Variants in ZNF627 observed in about 807,000 individuals in gnomAD.
ZNF627 encodes the protein zinc finger protein 627.
In ZNF627, 12 loss-of-function variants were observed where a neutral mutation model predicts 10.6. The ratio of observed to expected loss-of-function variants is 1.13; its 90% CI spans 0.73 to 1.84. The LOEUF (loss-of-function observed/expected upper bound fraction) is 1.84, where lower values mean the gene tolerates loss of function less well. Ranked by LOEUF, ZNF627 falls within the 40% of genes most tolerant of loss-of-function variation. The pLI is 0.00. For synonymous variants in ZNF627, 176 were observed against 187.1 expected, an observed-to-expected ratio of 0.94 and a Z score of 0.48; for missense variants, 504 against 568.4, an observed-to-expected ratio of 0.89 and a Z score of 1.15.
chr19:11,597,593 G>T lies in ZNF627; in HGVS notation c.-35G>T. On this transcript the variant is annotated 5_prime_UTR_variant, in exon 1 of 4. Transcript: ENST00000361113. ...GTGACCTGTACAGGTCGCGGGAGTCGTAGGGAGGACGCCGGGACACCTGGA... is the reference window on the plus strand; with the variant it reads ...GTGACCTGTACAGGTCGCGGGAGTCTTAGGGAGGACGCCGGGACACCTGGA... 2 of 1,326,510 alleles carry T rather than the reference G, an allele frequency of 1.5e-6. No individual in the cohort carries two copies. Among genetic ancestry groups the T allele is most frequent in the Non-Finnish European group, 1.9e-6 (2 of 1,030,196 alleles). 82.2% of individuals were successfully genotyped at this position (1,326,510 alleles called of 1,614,324 possible). A position where few individuals can be genotyped will look rare whatever the true frequency, so the allele number is the denominator to read the frequency against.
At position 11,614,577 on chromosome 19, in the gene ZNF627, G is replaced by A; in HGVS notation, c.54G>A (p.Trp18Ter). The change falls in exon 2 of 4, where the codon TGG becomes TGA. Residue 18 changes from tryptophan to a stop codon, truncating the protein, a stop_gained. Transcript: ENST00000361113. LOFTEE classifies it high-confidence loss of function. ...CTGTGAACTTCACCCTGGAGGAGTGGGCTTTGCTGGATCCTTCCCAGAAGA... is the reference window on the plus strand; with the variant it reads ...CTGTGAACTTCACCCTGGAGGAGTGAGCTTTGCTGGATCCTTCCCAGAAGA... ...DVAVNFTLEE[W>*]ALLDPSQKNL... The A allele has an allele frequency of 6.2e-7, 1 of 1,613,868 alleles. No homozygotes were observed. The highest frequency in any genetic ancestry group is 8.5e-7 in the Non-Finnish European group (1 of 1,179,962).
chr19:11,609,517 A>G (rs1200008969), intron 1 of ZNF627, among the ~76,000 whole-genome samples: 7 of 98,084 alleles, frequency 7.1e-5, no homozygotes, highest in African/African-American at 1.5e-4. Flanking sequence ...ATATATATAT[A>G]TGTATTTTTT....
chr19:11,603,143 C>T (rs1177373990), intron 1 of ZNF627, among the ~76,000 whole-genome samples: 1 of 152,088 alleles, frequency 6.6e-6, no homozygotes, highest in African/African-American at 2.4e-5. Flanking sequence ...GTTTGTTTCA[C>T]GCATGCTGGT....
Position 11,617,966 on chromosome 19 carries a change from C to A in ZNF627, c.*77C>A. The A allele has an allele frequency of 1.6e-6, 2 of 1,280,772 alleles. No homozygotes were observed. The highest frequency in any genetic ancestry group is 2.1e-6 in the Non-Finnish European group (2 of 945,190). 79.3% of individuals were successfully genotyped at this position (1,280,772 alleles called of 1,614,324 possible). On this transcript the variant is annotated 3_prime_UTR_variant, in exon 4 of 4. Coordinates refer to ENST00000361113, the MANE Select transcript of ZNF627 (RefSeq NM_145295.4). ...AGCCTTCAGTCCTTTCTGTTTCTTT[C>A]AACTACGTGAAAGGATTCACAGTGG...
chr19:11,616,020 T>C (rs1225281683), intron 3 of ZNF627, among the ~76,000 whole-genome samples: 2 of 150,364 alleles, frequency 1.3e-5, no homozygotes, highest in Non-Finnish European at 3.0e-5. Flanking sequence ...CACCTGGCCA[T>C]GAATATCATT....
In ZNF627 at chr19:11,616,739, G is replaced by T. The variant is rs1973874210; in HGVS notation, c.236G>T (p.Gly79Val). Reference sequence around the variant, plus strand: ...TGTGAAAGTAAAGAAGGTGGTCAAGGTGAAGAAACCTTCAGCCAGATTCCA... The same window carrying T: ...TGTGAAAGTAAAGAAGGTGGTCAAGTTGAAGAAACCTTCAGCCAGATTCCA... The part of the protein sequence containing the change: ...RLCESKEGGQ[G>V]EETFSQIPDG... The change falls in exon 4 of 4, where the codon GGT (glycine) becomes GTT (valine). Residue 79 changes from glycine to valine, a missense_variant. Coordinates refer to ENST00000361113, the MANE Select transcript of ZNF627 (RefSeq NM_145295.4). The T allele has an allele frequency of 1.2e-6, 2 of 1,609,184 alleles. No individual in the cohort carries two copies. The highest frequency in any genetic ancestry group is 2.2e-5 in the East Asian group (1 of 44,804).
rs1344956943 is a variant in ZNF627 at position 11,617,730 on chromosome 19, T to C, written c.1227T>C (p.His409=). The C allele has an allele frequency of 6.2e-7, 1 of 1,613,386 alleles. No homozygotes were observed. The highest frequency in any genetic ancestry group is 2.2e-5 in the East Asian group (1 of 44,880). Residue 409 remains histidine (H), a synonymous_variant, in exon 4 of 4, where the codon CAT becomes CAC. Transcript: ENST00000361113. The stretch of plus-strand genomic sequence containing the variant: ...GTCGTTCCAGTTACTTCCGAATCCA[T>C]GAAAGAACTCACACTGGAGAGAAAC... ...AFSRSSYFRI[H]ERTHTGEKPY... is the part of the protein sequence containing the mutation.
intron 1 of ZNF627, among the ~76,000 whole-genome samples, chr19:11,612,243 C>T (rs1973784093): frequency 6.6e-6 from 1 of 150,940 alleles, no homozygotes; most frequent in Non-Finnish European, 1.5e-5. Flanking sequence ...GCCTCAGCCT[C>T]CCGAGTAGCT....
At position 11,610,332 on chromosome 19, in the gene ZNF627, AG is replaced by A. The variant is rs1486022270; in HGVS notation, c.4-4194del. 4.6e-5 allele frequency among the ~76,000 whole-genome samples: 7 copies of A among 152,056 alleles called. 1 individual carries two copies. In the South Asian group the frequency reaches 6.2e-4, roughly 13 times the overall value. ...TCCTCAGCTTTTCTTCCCAGGCTTT[AG>A]ATGGTCTATCATATGTCTCAGCCAT... On this transcript the variant is annotated intron_variant, in intron 1 of 3. Coordinates refer to ENST00000361113, the MANE Select transcript of ZNF627 (RefSeq NM_145295.4).
Position 11,610,941 on chromosome 19 carries a change from C to T in ZNF627, c.4-3586C>T, listed in dbSNP as rs540289168. ...GATTTCAGCTCACTGCAACCTCCAC[C>T]TCCTGGGTTCAAGCGATTCTCCTGC... On this transcript the variant is annotated intron_variant, in intron 1 of 3. Coordinates refer to ENST00000361113, the MANE Select transcript of ZNF627 (RefSeq NM_145295.4). Among the ~76,000 whole-genome samples the T allele has an allele frequency of 7.2e-5, 11 of 151,900 alleles. No homozygotes were observed. The East Asian group carries it at 2.2e-3, about 30-fold the overall frequency.
intron 1 of ZNF627, among the ~76,000 whole-genome samples, chr19:11,603,680 A>T (rs1403913874): frequency 6.6e-6 from 1 of 152,006 alleles, no homozygotes; most frequent in East Asian, 1.9e-4. Flanking sequence ...TCTTCCATGA[A>T]ATGGTATTTT....
Position 11,617,802 on chromosome 19 carries a change from C to A in ZNF627, c.1299C>A (p.Tyr433Ter), listed in dbSNP as rs1973904433. The change falls in exon 4 of 4, where the codon TAC becomes TAA. Residue 433 changes from tyrosine to a stop codon, truncating the protein, a stop_gained. Coordinates refer to ENST00000361113, the MANE Select transcript of ZNF627 (RefSeq NM_145295.4). LOFTEE classifies it low-confidence loss of function (END_TRUNC). ...GGAAAGCCTTCAGTCGATCCACTTA[C>A]TTTCGAGTACATGAAAAAATTCATA... ...QCGKAFSRST[Y>*]FRVHEKIHTG... 6.2e-7 allele frequency: 1 copy of A among 1,610,594 alleles called. No homozygotes were observed. Among genetic ancestry groups the A allele is most frequent in the Admixed American group, 1.7e-5 (1 of 59,170 alleles).
In ZNF627 at chr19:11,617,966, C is replaced by G; in HGVS notation, c.*77C>G. 1 of 1,280,774 alleles carries G rather than the reference C, an allele frequency of 7.8e-7. No homozygotes were observed. The highest frequency in any genetic ancestry group is 1.1e-6 in the Non-Finnish European group (1 of 945,190). The allele number at this position is 1,280,774 out of a possible 1,614,324, so 79.3% of individuals were successfully genotyped here. A position where few individuals can be genotyped will look rare whatever the true frequency, so the allele number is the denominator to read the frequency against. ...AGCCTTCAGTCCTTTCTGTTTCTTT[C>G]AACTACGTGAAAGGATTCACAGTGG... On this transcript the variant is annotated 3_prime_UTR_variant, in exon 4 of 4. Transcript: ENST00000361113.
At chr19:11,601,577 G>C (rs1973585745) in intron 1 of ZNF627, among the ~76,000 whole-genome samples, 1 of 151,900 alleles carries the variant, frequency 6.6e-6, no homozygotes, top group Non-Finnish European at 1.5e-5. Context: ...CTAACTCCTG[G>C]CCTCGAGCAA....
intron 1 of ZNF627, among the ~76,000 whole-genome samples, chr19:11,598,343 C>T (rs573837073): frequency 1.3e-5 from 2 of 152,150 alleles, no homozygotes; most frequent in East Asian, 3.9e-4. Context: ...AGATCAGCCT[C>T]GCAATATAGC....
chr19:11,607,246 C>T (rs1327700241), intron 1 of ZNF627, among the ~76,000 whole-genome samples: 2 of 152,136 alleles, frequency 1.3e-5, no homozygotes, highest in Non-Finnish European at 2.9e-5. Flanking sequence ...AAGCGATTCT[C>T]CTGCCTCAGC....
At position 11,606,238 on chromosome 19, in the gene ZNF627, G is replaced by A. The variant is rs148464827; in HGVS notation, c.4-8289G>A. 5.1e-3 allele frequency among the ~76,000 whole-genome samples: 775 copies of A among 152,068 alleles called. 9 individuals carry two copies. Among genetic ancestry groups the A allele is most frequent in the Non-Finnish European group, 4.3e-3 (294 of 67,982 alleles). ...TGTAATCCCAGCTACTCGGGAGGCT[G>A]AGGCAGGAGAATTGCTTGATCCCAG... On this transcript the variant is annotated intron_variant, in intron 1 of 3. Transcript: ENST00000361113.
intron 1 of ZNF627, among the ~76,000 whole-genome samples, chr19:11,600,551 G>A (rs570848861): frequency 2.5e-4 from 38 of 152,176 alleles, no homozygotes; most frequent in Non-Finnish European, 4.7e-4. Flanking sequence ...GAATTCCAGG[G>A]CTTAGTGTTG....
At chr19:11,611,556 T>C (rs915142817) in intron 1 of ZNF627, among the ~76,000 whole-genome samples, 4 of 152,154 alleles carry the variant, frequency 2.6e-5, no homozygotes, top group African/African-American at 4.8e-5. Context: ...CCAGACCCAA[T>C]AGAAACTTTT....
Sources: allele counts gnomAD v4.1 joint callset (sites outside exome capture counted in the v4.1 genomes callset), GRCh38; gene constraint gnomAD v4.1.1; transcripts MANE v1.5; gene names NCBI Gene and HGNC (gene_info 2026-07-23, HGNC 2026-07-21).